NBPF26: variants seen among roughly 807,000 people sequenced by gnomAD.
NBPF26 encodes the protein NBPF member 26, also known as NBPF family member NBPF26.
Under a neutral mutation model 119.6 loss-of-function variants are expected in NBPF26, and 79 were observed. The observed-to-expected ratio is 0.66, with a 90% CI of 0.55 to 0.80. The LOEUF is 0.80. Ranked by LOEUF, NBPF26 falls within the 30% of genes least tolerant of loss-of-function variation. NBPF26 has a pLI of 0.00. For synonymous variants in NBPF26, 299 were observed against 457.7 expected (o/e 0.65, Z 4.43); for missense variants, 800 against 1,198.2 (o/e 0.67, Z 4.91).
At chr1:120,840,092 G>T (rs1229763687) in intron 29 of NBPF26, among the ~76,000 whole-genome samples, 1 of 69,402 alleles carries the variant, frequency 1.4e-5, no homozygotes, top group Non-Finnish European at 2.5e-5. Flanking sequence ...TCCCTTACCA[G>T]TATGTCACCT....
At position 120,793,166 on chromosome 1, in the gene NBPF26, G is replaced by T. The variant is rs1651512040; in HGVS notation, c.421G>T (p.Glu141Ter). 14 of 1,417,980 alleles carry T rather than the reference G, an allele frequency of 9.9e-6. 3 individuals carry two copies. Among genetic ancestry groups the T allele is most frequent in the Admixed American group, 2.0e-5 (1 of 50,570 alleles). 87.8% of individuals were successfully genotyped at this position (1,417,980 alleles called of 1,614,324 possible). Residue 141 changes from glutamate to a stop codon, truncating the protein, a stop_gained, in exon 4 of 30, where the codon GAG becomes TAG. Transcript: ENST00000620612. LOFTEE classifies it high-confidence loss of function. ...TTTTGTTATCCTTCCTTTAGGTAAGGAGTGCCAATGGACCGATGCCTGCCT... is the reference window on the plus strand; with the variant it reads ...TTTTGTTATCCTTCCTTTAGGTAAGTAGTGCCAATGGACCGATGCCTGCCT...
downstream of NBPF26, chr1:120,840,699 G>T (rs1553273622): frequency 1.5e-5 from 19 of 1,292,562 alleles, 3 homozygotes; most frequent in Non-Finnish European, 2.0e-5. Flanking sequence ...GACATAGGAT[G>T]GTTCAGTGGG....
At chr1:120,802,498 G>A (rs1321719742) in intron 4 of NBPF26, among the ~76,000 whole-genome samples, 2 of 125,432 alleles carry the variant, frequency 1.6e-5, no homozygotes, top group Non-Finnish European at 3.2e-5. Flanking sequence ...AGAGACATGA[G>A]CCCTTCGGGA....
In NBPF26 at chr1:120,791,452, G is replaced by C. The variant is rs1420136780; in HGVS notation, c.416-1709G>C. Among the ~76,000 whole-genome samples the C allele has an allele frequency of 2.7e-4, 28 of 104,152 alleles. 4 individuals carry two copies. The highest frequency in any genetic ancestry group is 2.6e-3 in the Admixed American group (28 of 10,606). 68.3% of individuals were successfully genotyped at this position (104,152 alleles called of 152,430 possible). A position where few individuals can be genotyped will look rare whatever the true frequency, so the allele number is the denominator to read the frequency against. ...GAAAATGTGGCACATATACACCATG[G>C]AATACTATTCAGCCATAAAAAAGGA... On this transcript the variant is annotated intron_variant, in intron 3 of 29. Transcript: ENST00000620612.
intron 10 of NBPF26, among the ~76,000 whole-genome samples, chr1:120,813,278 C>T (rs1327518112): frequency 0.03 from 3,525 of 118,220 alleles, 575 homozygotes; most frequent in African/African-American, 0.11. Flanking sequence ...TAAACACTAT[C>T]TATTAGTTCT....
At chr1:120,813,007 C>G (rs1206946047) in intron 10 of NBPF26, among the ~76,000 whole-genome samples, 1 of 118,648 alleles carries the variant, frequency 8.4e-6, no homozygotes, top group African/African-American at 4.7e-5. Context: ...AGAGTGAAGT[C>G]CTGCTTCCTG....
intron 1 of NBPF26, among the ~76,000 whole-genome samples, chr1:120,737,547 G>C (rs1571020365): frequency 2.3e-5 from 1 of 44,056 alleles, no homozygotes; most frequent in East Asian, 5.2e-4. Flanking sequence ...TGTTTTTTGA[G>C]GTCTGAAAAG....
rs1276846996 is a variant in NBPF26, at chr1:120,724,315, C to G, written c.73+65C>G. The G allele has an allele frequency of 9.6e-6, 13 of 1,360,908 alleles. 2 individuals are homozygous for G. The highest frequency in any genetic ancestry group is 4.8e-5 in the Admixed American group (2 of 41,300). 84.3% of individuals were successfully genotyped at this position (1,360,908 alleles called of 1,614,324 possible). A position where few individuals can be genotyped will look rare whatever the true frequency, so the allele number is the denominator to read the frequency against. On this transcript the variant is annotated intron_variant, in intron 1 of 29. Transcript: ENST00000620612. ...GGCTGCCACCTGGGGCGACCCTTCT[C>G]CCCCTCAGTCCTTCTCTGTGTGGGA...
chr1:120,817,039 C>T (rs1652024402), intron 14 of NBPF26, among the ~76,000 whole-genome samples: 2 of 118,546 alleles, frequency 1.7e-5, no homozygotes, highest in African/African-American at 9.5e-5. Flanking sequence ...GCAAGTGTGA[C>T]AATCTCATAG....
chr1:120,802,231 C>A (rs1651591035), intron 4 of NBPF26, among the ~76,000 whole-genome samples: 1 of 124,798 alleles, frequency 8.0e-6, no homozygotes, highest in Non-Finnish European at 1.6e-5. Flanking sequence ...CCAGGCCCCA[C>A]CTGAGCCCTC....
At chr1:120,825,402 ATC>A (rs1222703189) in intron 18 of NBPF26, among the ~76,000 whole-genome samples, 110 bp from the exon 20 acceptor site, 16 of 121,092 alleles carry the variant, frequency 1.3e-4, no homozygotes, top group Non-Finnish European at 2.4e-4. Flanking sequence ...TCAGTAATGG[ATC>A]TGTCCTTTTT....
intron 2 of NBPF26, among the ~76,000 whole-genome samples, chr1:120,764,106 G>T (rs1220697054): frequency 9.1e-6 from 1 of 110,432 alleles, no homozygotes; most frequent in East Asian, 2.1e-4. Context: ...AATTAGCCAG[G>T]TGTGGTGGCG....
chr1:120,811,831 C>T lies in NBPF26; in HGVS notation c.1565-55C>T. On this transcript the variant is annotated intron_variant, in intron 9 of 29. Transcript: ENST00000620612. ...TGACATCCCTCAGTCCTGATTAAGCCTATTTGATTTCACCAGTTTTTAACC... is the reference window on the plus strand; with the variant it reads ...TGACATCCCTCAGTCCTGATTAAGCTTATTTGATTTCACCAGTTTTTAACC... The T allele has an allele frequency of 2.8e-6, 2 of 716,888 alleles. 1 individual carries two copies. The highest frequency in any genetic ancestry group is 4.8e-6 in the Non-Finnish European group (2 of 420,908). 44.4% of individuals were successfully genotyped at this position (716,888 alleles called of 1,614,324 possible).
At chr1:120,796,318 TATAGTA>T (rs1651548085) in intron 4 of NBPF26, among the ~76,000 whole-genome samples, 1 of 79,054 alleles carries the variant, frequency 1.3e-5, no homozygotes. Context: ...AAATGTTACT[TATAGTA>T]ATAGTCACTA....
rs1284003697 is a variant in NBPF26 at position 120,814,723 on chromosome 1, C to T, written c.1878-106C>T. On this transcript the variant is annotated intron_variant, in intron 11 of 29. Coordinates refer to ENST00000620612, the Ensembl canonical transcript of NBPF26. Reference sequence around the variant, plus strand: ...CCTTTAAACATGTGCTGACCTTCTGCTTCGAGGTCTCCTTGAGGACATTGT... The same window carrying T: ...CCTTTAAACATGTGCTGACCTTCTGTTTCGAGGTCTCCTTGAGGACATTGT... 19 of 645,072 alleles carry T rather than the reference C, an allele frequency of 2.9e-5. 4 individuals carry two copies. The highest frequency in any genetic ancestry group is 4.7e-5 in the Admixed American group (2 of 42,160). 40.0% of individuals were successfully genotyped at this position (645,072 alleles called of 1,614,324 possible). A position where few individuals can be genotyped will look rare whatever the true frequency, so the allele number is the denominator to read the frequency against.
chr1:120,806,650 C>T (rs1353735366), intron 5 of NBPF26, among the ~76,000 whole-genome samples: 1 of 122,036 alleles, frequency 8.2e-6, no homozygotes, highest in Non-Finnish European at 1.7e-5. Context: ...CAGAGAGTAC[C>T]TTGGTGAGAG....
At position 120,811,275 on chromosome 1, in the gene NBPF26, G is replaced by T. The variant is rs1553270939; in HGVS notation, c.1565-611G>T. 2.1e-4 allele frequency among the ~76,000 whole-genome samples: 22 copies of T among 105,360 alleles called. 5 individuals carry two copies. The South Asian group carries it at 4.1e-3, about 19-fold the overall frequency. The allele number at this position is 105,360 out of a possible 152,430, so 69.1% of individuals were successfully genotyped here. Reference sequence around the variant, plus strand: ...AAAAAAAAAGTCTCTGACCAGGGGCGCTGGCTCACATCTTAATCCCAACAC... The same window carrying T: ...AAAAAAAAAGTCTCTGACCAGGGGCTCTGGCTCACATCTTAATCCCAACAC... On this transcript the variant is annotated intron_variant, in intron 9 of 29. Transcript: ENST00000620612.
chr1:120,840,740 C>A, downstream of NBPF26: 1 of 1,154,516 alleles, frequency 8.7e-7, no homozygotes, highest in Non-Finnish European at 1.2e-6. Flanking sequence ...CAAACCATGC[C>A]AGTGGCAACC....
At chr1:120,814,539 T>C (rs1302023698) in intron 11 of NBPF26, among the ~76,000 whole-genome samples, 1 of 118,642 alleles carries the variant, frequency 8.4e-6, no homozygotes, top group African/African-American at 4.0e-5. Context: ...AGTGAGGAAC[T>C]GAAAGGATGT....
Sources: allele counts gnomAD v4.1 joint callset (sites outside exome capture counted in the v4.1 genomes callset), GRCh38; gene constraint gnomAD v4.1.1; transcripts MANE v1.5; gene names NCBI Gene and HGNC (gene_info 2026-07-23, HGNC 2026-07-21).